Variants in OR1J2 observed in about 807,000 individuals in gnomAD.
OR1J2 encodes olfactory receptor 1J2.
For synonymous variants in OR1J2, 142 were observed against 99.7 expected (o/e 1.42, Z -2.52); for missense variants, 304 against 246.1 (o/e 1.24, Z -1.57).
At chr9:122,509,503 T>G (rs1242040210), upstream of OR1J2, among the ~76,000 whole-genome samples, 1 of 152,172 alleles carries the variant, frequency 6.6e-6, no homozygotes, top group Non-Finnish European at 1.5e-5. Flanking sequence ...CAATAAAGCG[T>G]AAATAAATTT....
chr9:122,518,039 G>C, the OR1J2 span, among the ~76,000 whole-genome samples: 10 of 152,078 alleles, frequency 6.6e-5, no homozygotes, highest in Non-Finnish European at 8.8e-5. Context: ...CATAGGACAT[G>C]GTCTCATTCC....
the OR1J2 span, chr9:122,567,806 A>G: frequency 6.2e-7 from 1 of 1,614,116 alleles, no homozygotes; most frequent in Non-Finnish European, 8.5e-7. Context: ...TGAGAACTGT[A>G]GTGAGGATTC....
chr9:122,574,619 A>G, the OR1J2 span, among the ~76,000 whole-genome samples: 2 of 107,214 alleles, frequency 1.9e-5, no homozygotes, highest in Non-Finnish European at 4.7e-5. Flanking sequence ...TATATAGACA[A>G]TCAAATCATC....
chr9:122,513,105 G>GT (rs568846077), downstream of OR1J2, among the ~76,000 whole-genome samples: 3 of 152,228 alleles, frequency 2.0e-5, no homozygotes, highest in East Asian at 3.9e-4. Flanking sequence ...CATTTGCCAT[G>GT]TTTTTTGACA....
At chr9:122,500,593 G>T in the OR1J2 span, among the ~76,000 whole-genome samples, 1 of 152,192 alleles carries the variant, frequency 6.6e-6, no homozygotes, top group Non-Finnish European at 1.5e-5. Flanking sequence ...CATGAGAAAA[G>T]ATGACTAAAC....
At chr9:122,539,502 T>C in the OR1J2 span, among the ~76,000 whole-genome samples, 5 of 152,226 alleles carry the variant, frequency 3.3e-5, no homozygotes, top group South Asian at 8.3e-4. Flanking sequence ...ATTTTCTTGA[T>C]CTAGTCTATC....
chr9:122,577,258 T>C, the OR1J2 span, among the ~76,000 whole-genome samples: 758 of 152,332 alleles, frequency 5.0e-3, 6 homozygotes, highest in Non-Finnish European at 8.6e-3. Context: ...TAAGCCCATA[T>C]AGACATAGAC....
chr9:122,460,092 A>G, the OR1J2 span, among the ~76,000 whole-genome samples: 6 of 151,926 alleles, frequency 3.9e-5, no homozygotes, highest in Non-Finnish European at 7.4e-5. Flanking sequence ...ATGATCTCCA[A>G]TTCCATCCAA....
the OR1J2 span, chr9:122,519,137 CA>C: frequency 6.3e-7 from 1 of 1,580,060 alleles, no homozygotes; most frequent in African/African-American, 1.3e-5. Flanking sequence ...AGAAGACTGT[CA>C]GCATGAAGAG....
At chr9:122,468,723 A>T in the OR1J2 span, among the ~76,000 whole-genome samples, 1 of 152,182 alleles carries the variant, frequency 6.6e-6, no homozygotes, top group Admixed American at 6.5e-5. Flanking sequence ...GGAGATAGTC[A>T]TGGGATTCCT....
chr9:122,538,960 A>G, the OR1J2 span, among the ~76,000 whole-genome samples: 4 of 152,012 alleles, frequency 2.6e-5, no homozygotes, highest in Non-Finnish European at 2.9e-5. Context: ...TAGAAGCCCA[A>G]AGTTCAACAT....
At chr9:122,555,095 T>C in the OR1J2 span, among the ~76,000 whole-genome samples, 2 of 152,182 alleles carry the variant, frequency 1.3e-5, no homozygotes, top group South Asian at 4.1e-4. Context: ...AACATGTAGA[T>C]ATTTTTCAAA....
At chr9:122,529,815 G>A in the OR1J2 span, among the ~76,000 whole-genome samples, 1 of 152,174 alleles carries the variant, frequency 6.6e-6, no homozygotes, top group East Asian at 1.9e-4. Flanking sequence ...GTAAGAGCTG[G>A]CTGGAACATG....
chr9:122,532,630 AATAGATTT>A, the OR1J2 span, among the ~76,000 whole-genome samples: 9 of 148,434 alleles, frequency 6.1e-5, no homozygotes, highest in African/African-American at 2.3e-4. Context: ...TGAGGAAGAA[AATAGATTT>A]TGGAAATTAT....
the OR1J2 span, among the ~76,000 whole-genome samples, chr9:122,485,778 A>G: frequency 6.6e-6 from 1 of 152,182 alleles, no homozygotes; most frequent in African/African-American, 2.4e-5. Flanking sequence ...AAGGTTGGAG[A>G]TTACAGGCAG....
At chr9:122,527,257 G>A in the OR1J2 span, 11 of 1,611,876 alleles carry the variant, frequency 6.8e-6, no homozygotes, top group South Asian at 3.3e-5. Flanking sequence ...GATATTCCTC[G>A]GAGGAAAAAT....
the OR1J2 span, among the ~76,000 whole-genome samples, chr9:122,548,152 T>C: frequency 6.6e-6 from 1 of 152,182 alleles, no homozygotes; most frequent in Non-Finnish European, 1.5e-5. Flanking sequence ...TACAGAGCCT[T>C]AAGGAAATGA....
chr9:122,506,772 G>A (rs1364685710), upstream of OR1J2, among the ~76,000 whole-genome samples: 4 of 152,122 alleles, frequency 2.6e-5, no homozygotes, highest in Non-Finnish European at 5.9e-5. Context: ...AAGGAACAGA[G>A]AGATATTGAG....
At chr9:122,567,288 A>C in the OR1J2 span, 1 of 348,106 alleles carries the variant, frequency 2.9e-6, no homozygotes, top group Non-Finnish European at 5.2e-6. Context: ...ATTAGATTAA[A>C]GCAGTTTTTG....
Sources: gnomAD v4.1 joint callset for allele counts (sites outside exome capture counted in the v4.1 genomes callset) on GRCh38, gnomAD v4.1.1 for gene constraint, MANE v1.5 for transcripts, NCBI Gene and HGNC (gene_info 2026-07-23, HGNC 2026-07-21) for gene names.